FAM193A: variants seen among roughly 807,000 people sequenced by gnomAD.
FAM193A encodes the protein family with sequence similarity 193 member A, also known as protein FAM193A.
In FAM193A, 22 loss-of-function variants were observed where a neutral mutation model predicts 126.5. That is an observed-to-expected ratio of 0.17 (90% CI 0.12 to 0.25). The LOEUF (loss-of-function observed/expected upper bound fraction) is 0.25, where lower values mean the gene tolerates loss of function less well. Ranked by LOEUF, FAM193A falls within the 10% of genes least tolerant of loss-of-function variation. The probability of loss-of-function intolerance (pLI) is 1.00; values close to 1 mark genes in which losing one functional copy is unlikely to be tolerated. For synonymous variants in FAM193A, 761 were observed against 646.8 expected (o/e 1.18, Z -2.68); for missense variants, 1,675 against 1,672.8 (o/e 1.00, Z -0.02).
intron 5 of FAM193A, among the ~76,000 whole-genome samples, chr4:2,631,774 G>A (rs1488770015): frequency 6.6e-6 from 1 of 152,124 alleles, no homozygotes; most frequent in African/African-American, 2.4e-5. Context: ...TGCCTCAAAA[G>A]AGGAATCACT....
chr4:2,619,675 ATTTCTTTC>A (rs769191148), intron 2 of FAM193A, among the ~76,000 whole-genome samples: 2 of 148,726 alleles, frequency 1.3e-5, no homozygotes, highest in African/African-American at 5.0e-5. Context: ...GGACTGGGGA[ATTTCTTTC>A]TTTCTTTCTT....
rs769630221 is a variant in FAM193A at position 2,696,533 on chromosome 4, C to T, written c.3447C>T (p.Ser1149=). The T allele has an allele frequency of 9.3e-6, 15 of 1,614,070 alleles. No homozygotes were observed. The highest frequency in any genetic ancestry group is 5.3e-5 in the African/African-American group (4 of 74,924). ...ATTTGTTGCAGTTTATAAATAGCTC[C>T]GAAACCAAACCAGTGAGCAGCACGC... ...VEDLLQFINS[S]ETKPVSSTRA... Residue 1149 remains serine (S), a synonymous_variant, in exon 18 of 21, where the codon TCC becomes TCT. Coordinates refer to ENST00000637812, the MANE Select transcript of FAM193A (RefSeq NM_001366318.2).
chr4:2,663,009 TC>T lies in FAM193A; in HGVS notation c.1899+19del, dbSNP rs748884282. On this transcript the variant is annotated intron_variant, in intron 11 of 20. Transcript: ENST00000637812. Reference sequence around the variant, plus strand: ...AGGATGAGGTATGGACATGGCTTCTTCGTAGCAACAATAAATGACATAAAAT... The same window carrying T: ...AGGATGAGGTATGGACATGGCTTCTTGTAGCAACAATAAATGACATAAAAT... The T allele has an allele frequency of 1.2e-6, 2 of 1,601,730 alleles. No individual in the cohort carries two copies. Among genetic ancestry groups the T allele is most frequent in the Non-Finnish European group, 1.7e-6 (2 of 1,169,684 alleles).
chr4:2,690,001 C>T (rs777363180), intron 14 of FAM193A, among the ~76,000 whole-genome samples: 52 of 152,218 alleles, frequency 3.4e-4, no homozygotes, highest in Admixed American at 1.6e-3. Flanking sequence ...TGACCACGGT[C>T]GGGTGCCCGG....
chr4:2,565,616 G>A (rs1728270), intron 1 of FAM193A, among the ~76,000 whole-genome samples: 149,706 of 152,268 alleles, frequency 0.98, 73,635 homozygotes, highest in Middle Eastern at 1. Context: ...AAGAAACAAA[G>A]GTAGAAAGAG....
intron 7 of FAM193A, 55 bp downstream of exon 7, chr4:2,646,887 G>T: frequency 5.2e-6 from 8 of 1,535,846 alleles, no homozygotes; most frequent in Non-Finnish European, 7.0e-6. Flanking sequence ...CGGCCCTGTT[G>T]AAGGCAGCAC....
intron 20 of FAM193A, 115 bp from the exon 21 acceptor site, chr4:2,731,660 C>A: frequency 1.3e-6 from 1 of 778,056 alleles, no homozygotes; most frequent in South Asian, 1.5e-5. Flanking sequence ...AGAATCTAAA[C>A]CCCTGACCCC....
At chr4:2,622,915 C>T (rs1742641739) in intron 2 of FAM193A, among the ~76,000 whole-genome samples, 1 of 152,166 alleles carries the variant, frequency 6.6e-6, no homozygotes, top group Admixed American at 6.5e-5. Context: ...ACATTCAGAA[C>T]AGAGCAAAAC....
intron 13 of FAM193A, among the ~76,000 whole-genome samples, chr4:2,674,587 G>A (rs2109175927): frequency 6.6e-6 from 1 of 152,170 alleles, no homozygotes; most frequent in East Asian, 1.9e-4. Context: ...CTGTGCTGGG[G>A]TCACAGTTTT....
In FAM193A at chr4:2,569,912, A is replaced by G. The variant is rs542986705; in HGVS notation, c.256-26172A>G. Among the ~76,000 whole-genome samples, 40 of 152,176 alleles carry G rather than the reference A, an allele frequency of 2.6e-4. 1 individual carries two copies. In the South Asian group the frequency reaches 5.0e-3, roughly 19 times the overall value. ...TTTTAGATTGTTCTGGGATTTATAT[A>G]TTTATCTCTAGAATTTTAGGATGGC... On this transcript the variant is annotated intron_variant, in intron 1 of 20. Coordinates refer to ENST00000637812, the MANE Select transcript of FAM193A (RefSeq NM_001366318.2).
At position 2,700,137 on chromosome 4, in the gene FAM193A, C is replaced by G; in HGVS notation, c.3965C>G (p.Ser1322Cys). ...EVNGKQHEPL[S>C]FFFDIMQHHK... ...AATGGGAAGCAGCATGAGCCACTCTCTTTTTTCTTCGACATCATGCAGCAC... is the reference window on the plus strand; with the variant it reads ...AATGGGAAGCAGCATGAGCCACTCTGTTTTTTCTTCGACATCATGCAGCAC... Residue 1322 changes from serine to cysteine, a missense_variant, in exon 19 of 21, where the codon TCT (serine) becomes TGT (cysteine). This residue lies in a region of FAM193A where 415 missense variants were observed against 396.7 expected (regional missense o/e 1.05). Coordinates refer to ENST00000637812, the MANE Select transcript of FAM193A (RefSeq NM_001366318.2). The G allele has an allele frequency of 6.2e-7, 1 of 1,613,716 alleles. No homozygotes were observed. The highest frequency in any genetic ancestry group is 8.5e-7 in the Non-Finnish European group (1 of 1,179,998).
chr4:2,620,813 G>T (rs1315829673), intron 2 of FAM193A, among the ~76,000 whole-genome samples: 1 of 137,654 alleles, frequency 7.3e-6, no homozygotes, highest in Admixed American at 7.5e-5. Flanking sequence ...TCCAGCCTGG[G>T]CAAGAAGACT....
chr4:2,566,274 T>G (rs577513637), intron 1 of FAM193A, among the ~76,000 whole-genome samples: 1 of 152,102 alleles, frequency 6.6e-6, no homozygotes, highest in Non-Finnish European at 1.5e-5. Context: ...GTCTCGATCT[T>G]CTGACCTCGT....
rs1378092704 is a variant in FAM193A at position 2,581,739 on chromosome 4, C to T, written c.256-14345C>T. Among the ~76,000 whole-genome samples the T allele has an allele frequency of 4.6e-5, 7 of 151,936 alleles. No homozygotes were observed. The South Asian group carries it at 6.2e-4, about 14-fold the overall frequency. On this transcript the variant is annotated intron_variant, in intron 1 of 20. Coordinates refer to ENST00000637812, the MANE Select transcript of FAM193A (RefSeq NM_001366318.2). ...CGTGATCTAGGCTCACTGCAGGCTC[C>T]GTTTCCTGGGTTCACACCATTCTCC...
At chr4:2,708,515 T>A (rs1333943732) in intron 19 of FAM193A, among the ~76,000 whole-genome samples, 1 of 151,976 alleles carries the variant, frequency 6.6e-6, no homozygotes, top group African/African-American at 2.4e-5. Flanking sequence ...CAGGCTGGAG[T>A]GCAGTGGCGC....
At chr4:2,618,049 T>C (rs974397086) in intron 2 of FAM193A, among the ~76,000 whole-genome samples, 4 of 152,254 alleles carry the variant, frequency 2.6e-5, no homozygotes, top group African/African-American at 7.2e-5. Context: ...GAATTTGAGG[T>C]TGTTGGTCAT....
intron 19 of FAM193A, among the ~76,000 whole-genome samples, chr4:2,710,171 T>C (rs866399875): frequency 2.4e-5 from 3 of 126,152 alleles, no homozygotes; most frequent in African/African-American, 1.0e-4. Flanking sequence ...GTTTTTTTTT[T>C]TTTTTCTTTT....
intron 2 of FAM193A, among the ~76,000 whole-genome samples, chr4:2,599,826 C>T (rs1359863442): frequency 1.3e-5 from 2 of 151,758 alleles, no homozygotes; most frequent in Admixed American, 6.6e-5. Flanking sequence ...AACCTCACTT[C>T]CTGGGTTCAA....
At chr4:2,607,928 G>A (rs888255505) in intron 2 of FAM193A, 21 of 1,271,752 alleles carry the variant, frequency 1.7e-5, no homozygotes, top group Admixed American at 2.8e-5. Context: ...TGATGGTGTC[G>A]CTTTATGAAC....
Sources: gnomAD v4.1 joint callset for allele counts (sites outside exome capture counted in the v4.1 genomes callset) on GRCh38, gnomAD v4.1.1 for gene constraint, gnomAD v4.1.1 regional missense constraint, MANE v1.5 for transcripts, NCBI Gene and HGNC (gene_info 2026-07-23, HGNC 2026-07-21) for gene names.